Variants in DNAJC8 observed in about 807,000 individuals in gnomAD.
DNAJC8 encodes the protein dnaJ homolog subfamily C member 8.
A neutral mutation model predicts 43.2 loss-of-function variants in DNAJC8; 24 were observed. The ratio of observed to expected loss-of-function variants is 0.56; its 90% CI spans 0.40 to 0.78. The LOEUF is 0.78. Ranked by LOEUF, DNAJC8 falls within the 30% of genes least tolerant of loss-of-function variation. DNAJC8 has a pLI of 0.00. For missense variants in DNAJC8, 207 were observed against 299.4 expected (o/e 0.69, Z 2.28); for synonymous variants, 83 against 98.0 (o/e 0.85, Z 0.90).
chr1:28,201,749 A>G (rs1379542804), intron 8 of DNAJC8, among the ~76,000 whole-genome samples: 1 of 150,330 alleles, frequency 6.7e-6, no homozygotes, highest in African/African-American at 2.5e-5. Flanking sequence ...AGACCATGCC[A>G]CTGCACTCCA....
At chr1:28,221,659 T>C (rs1315912468) in intron 2 of DNAJC8, among the ~76,000 whole-genome samples, 1 of 152,220 alleles carries the variant, frequency 6.6e-6, no homozygotes, top group Non-Finnish European at 1.5e-5. Flanking sequence ...CCTTTCATGG[T>C]ACTATGCTCG....
Position 28,200,763 on chromosome 1 carries a change from A to G in DNAJC8, c.*485T>C, listed in dbSNP as rs948305095. ...TCAGATGCTGCTCTGTGTGCTCACA[A>G]GTGTTCCCTGTCTTATCTGGGCCTT... is the stretch of plus-strand genomic sequence containing the variant. On this transcript the variant is annotated 3_prime_UTR_variant, in exon 9 of 9. Transcript: ENST00000263697. The G allele has an allele frequency of 2.3e-6, 1 of 438,016 alleles. No homozygotes were observed. The highest frequency in any genetic ancestry group is 4.6e-6 in the Non-Finnish European group (1 of 218,952). The allele number at this position is 438,016 out of a possible 1,614,324, so 27.1% of individuals were successfully genotyped here. A position where few individuals can be genotyped will look rare whatever the true frequency, so the allele number is the denominator to read the frequency against.
At chr1:28,227,104 CTTT>C (rs375175168) in intron 2 of DNAJC8, among the ~76,000 whole-genome samples, 3 of 95,142 alleles carry the variant, frequency 3.2e-5, no homozygotes, top group Non-Finnish European at 4.1e-5. Flanking sequence ...CTCTCTCTCT[CTTT>C]TTTTTTTTTT....
chr1:28,227,104 C>CTTTTTT lies in DNAJC8; in HGVS notation c.180+1812_180+1817dup, dbSNP rs375175168. Among the ~76,000 whole-genome samples, 44 of 95,138 alleles carry CTTTTTT rather than the reference C, an allele frequency of 4.6e-4. 1 individual carries two copies. Among genetic ancestry groups the CTTTTTT allele is most frequent in the Non-Finnish European group, 7.1e-4 (35 of 48,970 alleles). 62.4% of individuals were successfully genotyped at this position (95,138 alleles called of 152,430 possible). A position where few individuals can be genotyped will look rare whatever the true frequency, so the allele number is the denominator to read the frequency against. ...AAAAAAAAAGAATTTCTCTCTCTCT[C>CTTTTTT]TTTTTTTTTTTTTTTTTTTTTTGGA... On this transcript the variant is annotated intron_variant, in intron 2 of 8. Transcript: ENST00000263697.
At chr1:28,222,258 G>C (rs915284625) in intron 2 of DNAJC8, among the ~76,000 whole-genome samples, 1 of 152,046 alleles carries the variant, frequency 6.6e-6, no homozygotes, top group African/African-American at 2.4e-5. Flanking sequence ...GGCTGAGGCG[G>C]GTGGATCACC....
intron 1 of DNAJC8, among the ~76,000 whole-genome samples, 156 bp downstream of exon 1, chr1:28,232,763 TGG>T (rs1415522249): frequency 3.3e-5 from 5 of 152,054 alleles, no homozygotes; most frequent in Non-Finnish European, 5.9e-5. Flanking sequence ...CAGCTATCAG[TGG>T]GAGACGCTCA....
chr1:28,207,307 G>A lies in DNAJC8; in HGVS notation c.471+1035C>T, dbSNP rs186914294. ...GCAGGAGAATCACTTGAACCTGGGA[G>A]GCAGAGGTTGCAGTGAGCTGAGATC... is the stretch of plus-strand genomic sequence containing the variant. On this transcript the variant is annotated intron_variant, in intron 6 of 8. Transcript: ENST00000263697. Among the ~76,000 whole-genome samples the A allele has an allele frequency of 2.0e-4, 30 of 152,186 alleles. No homozygotes were observed. In the South Asian group the frequency reaches 3.5e-3, roughly 18 times the overall value.
intron 8 of DNAJC8, 33 bp from the exon 9 acceptor site, chr1:28,201,403 C>T (rs777396368): frequency 6.2e-7 from 1 of 1,612,948 alleles, no homozygotes; most frequent in Non-Finnish European, 8.5e-7. Flanking sequence ...GTGAGGAGAC[C>T]AGTCAATGAG....
At chr1:28,230,908 A>C (rs1290322922) in intron 1 of DNAJC8, among the ~76,000 whole-genome samples, 1 of 152,250 alleles carries the variant, frequency 6.6e-6, no homozygotes, top group African/African-American at 2.4e-5. Context: ...CTTAACCCTG[A>C]ATAGCTCACA....
intron 2 of DNAJC8, among the ~76,000 whole-genome samples, chr1:28,215,574 A>G (rs1213783628): frequency 2.7e-5 from 4 of 150,430 alleles, no homozygotes; most frequent in African/African-American, 7.3e-5. Context: ...TCTCGCTCTT[A>G]TTGCCCAGGC....
At chr1:28,220,144 T>C (rs1174423600) in intron 2 of DNAJC8, among the ~76,000 whole-genome samples, 1 of 152,226 alleles carries the variant, frequency 6.6e-6, no homozygotes, top group East Asian at 1.9e-4. Flanking sequence ...AGAGTATATA[T>C]ACCTACATAC....
chr1:28,204,821 G>A lies in DNAJC8; in HGVS notation c.563+437C>T, dbSNP rs535374549. On this transcript the variant is annotated intron_variant, in intron 7 of 8. Transcript: ENST00000263697. ...AGGCAGATCACGAGGTCAGGAGATC[G>A]AGACCATCCTGGCCAACATGGTGAA... Among the ~76,000 whole-genome samples, 49 of 152,190 alleles carry A rather than the reference G, an allele frequency of 3.2e-4. No homozygotes were observed. In the Middle Eastern group the frequency reaches 0.01, roughly 32 times the overall value.
intron 6 of DNAJC8, 113 bp downstream of exon 6, chr1:28,208,229 A>C: frequency 1.5e-6 from 1 of 667,566 alleles, no homozygotes; most frequent in Admixed American, 3.5e-5. Flanking sequence ...TAAATAAATA[A>C]ATAAATGTGA....
intron 1 of DNAJC8, among the ~76,000 whole-genome samples, chr1:28,232,138 G>C (rs931312234): frequency 1.3e-5 from 2 of 151,910 alleles, no homozygotes; most frequent in East Asian, 1.9e-4. Flanking sequence ...GCAGTGGTCC[G>C]ATCATAGGTC....
intron 2 of DNAJC8, among the ~76,000 whole-genome samples, chr1:28,218,567 G>C (rs1396967970): frequency 6.6e-6 from 1 of 151,858 alleles, no homozygotes; most frequent in Admixed American, 6.6e-5. Flanking sequence ...TAAGTGCGTG[G>C]AGCACACAAC....
chr1:28,226,785 T>A (rs912582115), intron 2 of DNAJC8, among the ~76,000 whole-genome samples: 8 of 151,268 alleles, frequency 5.3e-5, no homozygotes, highest in Non-Finnish European at 1.2e-4. Context: ...TCCTCATGAC[T>A]AGAGTAAGTT....
intron 2 of DNAJC8, among the ~76,000 whole-genome samples, chr1:28,220,460 G>T (rs540603111): frequency 6.6e-6 from 1 of 152,280 alleles, no homozygotes; most frequent in African/African-American, 2.4e-5. Context: ...ACTTTATAAA[G>T]AAAAGAAATG....
intron 2 of DNAJC8, among the ~76,000 whole-genome samples, chr1:28,216,205 A>C (rs1444244421): frequency 1.3e-5 from 2 of 152,138 alleles, no homozygotes; most frequent in African/African-American, 4.8e-5. Flanking sequence ...AATATTAGCC[A>C]GGCGTAGTGG....
At chr1:28,222,564 G>A (rs1182541285) in intron 2 of DNAJC8, among the ~76,000 whole-genome samples, 1 of 146,526 alleles carries the variant, frequency 6.8e-6, no homozygotes, top group African/African-American at 2.5e-5. Flanking sequence ...TTTAAAAATT[G>A]AAAAAAAAAG....
Sources: gnomAD v4.1 joint callset for allele counts (sites outside exome capture counted in the v4.1 genomes callset) on GRCh38, gnomAD v4.1.1 for gene constraint, MANE v1.5 for transcripts, NCBI Gene and HGNC (gene_info 2026-07-23, HGNC 2026-07-21) for gene names.